APLP2: variants seen among roughly 807,000 people sequenced by gnomAD.
APLP2 encodes CDEI box-binding protein.
Under a neutral mutation model 89.9 loss-of-function variants are expected in APLP2, and 53 were observed. The ratio of observed to expected loss-of-function variants is 0.59; its 90% CI spans 0.47 to 0.74. The LOEUF is 0.74. Among genes scored for constraint, APLP2 ranks in the 30% least tolerant of loss-of-function variants. APLP2 has a pLI of 0.00. For missense variants in APLP2, 973 were observed against 975.9 expected, an observed-to-expected ratio of 1.00 and a Z score of 0.04; for synonymous variants, 372 against 348.6, an observed-to-expected ratio of 1.07 and a Z score of -0.75.
intron 1 of APLP2, among the ~76,000 whole-genome samples, chr11:130,089,152 A>C (rs1054427264): frequency 6.6e-6 from 1 of 151,936 alleles, no homozygotes; most frequent in Non-Finnish European, 1.5e-5. Context: ...TCCTTCCTTC[A>C]TGTCCCCTGT....
chr11:130,121,880 G>A (rs192318181), intron 5 of APLP2, 70 bp downstream of exon 5: 1 of 1,560,198 alleles, frequency 6.4e-7, no homozygotes, highest in East Asian at 2.2e-5. Context: ...GACGGCTGTT[G>A]GCTGCTAGTC....
chr11:130,104,786 A>G (rs764514810), intron 1 of APLP2, among the ~76,000 whole-genome samples: 8 of 152,150 alleles, frequency 5.3e-5, no homozygotes, highest in African/African-American at 7.2e-5. Flanking sequence ...GGTAAAGTCA[A>G]TTCTAGTTAA....
chr11:130,106,804 T>C (rs1326165111), intron 1 of APLP2, among the ~76,000 whole-genome samples: 1 of 152,178 alleles, frequency 6.6e-6, no homozygotes, highest in Admixed American at 6.5e-5. Flanking sequence ...TTTTCCTGCC[T>C]CAGCCCCCTG....
At chr11:130,103,004 A>G (rs1367107286) in intron 1 of APLP2, among the ~76,000 whole-genome samples, 1 of 152,200 alleles carries the variant, frequency 6.6e-6, no homozygotes, top group Admixed American at 6.5e-5. Context: ...ATGGGGCATT[A>G]ATTTTTTTGG....
At chr11:130,083,509 C>T (rs1372803029) in intron 1 of APLP2, among the ~76,000 whole-genome samples, 1 of 152,190 alleles carries the variant, frequency 6.6e-6, no homozygotes, top group African/African-American at 2.4e-5. Context: ...TTCCTCCCTT[C>T]AGCCTGTGTC....
chr11:130,140,575 T>G, intron 14 of APLP2, 92 bp downstream of exon 14: 1 of 1,074,468 alleles, frequency 9.3e-7, no homozygotes, highest in Non-Finnish European at 1.3e-6. Context: ...GGTGCACGTC[T>G]CTGTGTTCGT....
chr11:130,092,600 A>C (rs1040005964), intron 1 of APLP2, among the ~76,000 whole-genome samples: 10 of 145,132 alleles, frequency 6.9e-5, no homozygotes, highest in Non-Finnish European at 1.5e-4. Flanking sequence ...AATCGCAGGC[A>C]TTGGGCAGAC....
At chr11:130,133,440 T>G (rs986910904) in intron 11 of APLP2, among the ~76,000 whole-genome samples, 189 bp from the exon 12 acceptor site, 1 of 152,190 alleles carries the variant, frequency 6.6e-6, no homozygotes, top group Admixed American at 6.5e-5. Flanking sequence ...GTTCTTATAC[T>G]TTAGCAGTCA....
intron 13 of APLP2, among the ~76,000 whole-genome samples, chr11:130,136,135 GA>G: frequency 6.6e-6 from 1 of 152,250 alleles, no homozygotes; most frequent in East Asian, 1.9e-4. Context: ...ATGAGGTGGG[GA>G]TAAGAAGCTG....
At chr11:130,101,802 G>T (rs1946965077) in intron 1 of APLP2, 1 of 380,062 alleles carries the variant, frequency 2.6e-6, no homozygotes, top group African/African-American at 2.1e-5. Flanking sequence ...CACTGGCACA[G>T]CACTGTTAAC....
intron 1 of APLP2, among the ~76,000 whole-genome samples, chr11:130,079,067 A>T (rs915133872): frequency 1.3e-5 from 2 of 150,634 alleles, no homozygotes. Flanking sequence ...CAATCCGGGA[A>T]CATGACATGT....
chr11:130,081,792 A>G (rs1267880793), intron 1 of APLP2, among the ~76,000 whole-genome samples: 1 of 152,228 alleles, frequency 6.6e-6, no homozygotes, highest in Non-Finnish European at 1.5e-5. Context: ...TGATTCTTTT[A>G]TAACTGAACA....
chr11:130,135,972 C>T (rs570287433), intron 13 of APLP2, among the ~76,000 whole-genome samples: 1 of 152,340 alleles, frequency 6.6e-6, no homozygotes, highest in East Asian at 1.9e-4. Flanking sequence ...ACCCCCACTT[C>T]TTCCAACTTG....
chr11:130,070,223 C>T (rs151103380), intron 1 of APLP2, 141 bp downstream of exon 1: 13,101 of 379,226 alleles, frequency 0.035, 276 homozygotes, highest in Non-Finnish European at 0.043. Context: ...TCTGGCGCGC[C>T]CTCCCCCGCC....
chr11:130,117,064 G>C (rs527417349), intron 3 of APLP2, among the ~76,000 whole-genome samples: 2 of 152,232 alleles, frequency 1.3e-5, no homozygotes, highest in African/African-American at 4.8e-5. Flanking sequence ...CTGGGAGGCA[G>C]AGGATGCAGT....
chr11:130,112,586 C>T (rs541005084), intron 3 of APLP2, among the ~76,000 whole-genome samples: 60 of 152,174 alleles, frequency 3.9e-4, no homozygotes, highest in Non-Finnish European at 7.6e-4. Context: ...TGCTGTGAGT[C>T]GAAAATGTGG....
Position 130,141,803 on chromosome 11 carries a change from G to A in APLP2, c.1999-116G>A. 2 of 1,262,986 alleles carry A rather than the reference G, an allele frequency of 1.6e-6. No homozygotes were observed. Among genetic ancestry groups the A allele is most frequent in the South Asian group, 2.9e-5 (2 of 68,192 alleles). The allele number at this position is 1,262,986 out of a possible 1,614,324, so 78.2% of individuals were successfully genotyped here. A position where few individuals can be genotyped will look rare whatever the true frequency, so the allele number is the denominator to read the frequency against. ...GTTCCCTGCAAAGCAGGATCTTGGTGCTACTTTGGGTTTTAGGGGCTCGAC... is the reference window on the plus strand; with the variant it reads ...GTTCCCTGCAAAGCAGGATCTTGGTACTACTTTGGGTTTTAGGGGCTCGAC... On this transcript the variant is annotated intron_variant, in intron 15 of 16. Coordinates refer to ENST00000338167, the MANE Select transcript of APLP2 (RefSeq NM_001142276.2). The surrounding 1 kb of genome is among the most constrained non-coding windows in gnomAD (Gnocchi z 4.2).
chr11:130,103,838 AGT>A (rs1947272902), intron 1 of APLP2, among the ~76,000 whole-genome samples: 1 of 152,180 alleles, frequency 6.6e-6, no homozygotes, highest in Non-Finnish European at 1.5e-5. Context: ...TGATTTGTTT[AGT>A]AGCTGTCTTT....
At chr11:130,098,710 CTA>C (rs1352074113) in intron 1 of APLP2, among the ~76,000 whole-genome samples, 2 of 152,122 alleles carry the variant, frequency 1.3e-5, no homozygotes, top group African/African-American at 4.8e-5. Context: ...AATACTCAAA[CTA>C]TGCTTAATCT....
Sources: allele counts gnomAD v4.1 joint callset (sites outside exome capture counted in the v4.1 genomes callset), GRCh38; gene constraint gnomAD v4.1.1; non-coding constraint Gnocchi (gnomAD v3.1); transcripts MANE v1.5; gene names NCBI Gene and HGNC (gene_info 2026-07-23, HGNC 2026-07-21).